ADRA1B: variants seen among roughly 807,000 people sequenced by gnomAD.
ADRA1B encodes adrenoceptor alpha 1B.
In ADRA1B, 17 loss-of-function variants were observed where a neutral mutation model predicts 17.9. That is an observed-to-expected ratio of 0.95 (90% CI 0.65 to 1.42). The LOEUF (loss-of-function observed/expected upper bound fraction) is 1.42. Among genes scored for constraint, ADRA1B ranks in the 40% most tolerant of loss-of-function variants. The pLI, the probability that ADRA1B is intolerant of heterozygous loss-of-function variation, is 0.00. For missense variants in ADRA1B, 681 were observed against 722.1 expected, an observed-to-expected ratio of 0.94 and a Z score of 0.65; for synonymous variants, 366 against 327.6, an observed-to-expected ratio of 1.12 and a Z score of -1.27.
chr5:159,942,207 C>A (rs1377786486), intron 1 of ADRA1B, among the ~76,000 whole-genome samples: 2 of 152,070 alleles, frequency 1.3e-5, no homozygotes, highest in African/African-American at 2.4e-5. Flanking sequence ...CAGGCGTGAG[C>A]CGCCATGGCC....
rs994791314 is a variant in ADRA1B at position 159,972,206 on chromosome 5, C to G, written c.1277C>G (p.Pro426Arg). 3 of 1,359,518 alleles carry G rather than the reference C, an allele frequency of 2.2e-6. No homozygotes were observed. Among genetic ancestry groups the G allele is most frequent in the South Asian group, 1.7e-5 (1 of 60,458 alleles). The allele number at this position is 1,359,518 out of a possible 1,614,324, so 84.2% of individuals were successfully genotyped here. Residue 426 changes from proline to arginine, a missense_variant, in exon 2 of 2, where the codon CCG becomes CGG. By Grantham distance (103) the Pro-to-Arg change is moderately radical. Transcript: ENST00000306675. ...CAGCGGACCCTGCCCTCGGCCTCGC[C>G]GAGCCCGGGCTACCTGGGCCGCGGC... Reference protein sequence around the residue: ...GSQRTLPSASPSPGYLGRGAP... With the variant: ...GSQRTLPSASRSPGYLGRGAP...
At chr5:159,931,207 T>C (rs1356854252) in intron 1 of ADRA1B, among the ~76,000 whole-genome samples, 1 of 112,592 alleles carries the variant, frequency 8.9e-6, no homozygotes, top group Non-Finnish European at 1.9e-5. Context: ...CTGGGCAACA[T>C]AGGGAGACCC....
chr5:159,880,459 C>A (rs1044437788), intron 1 of ADRA1B, among the ~76,000 whole-genome samples: 1 of 152,198 alleles, frequency 6.6e-6, no homozygotes, highest in African/African-American at 2.4e-5. Context: ...ATTACAAAGA[C>A]CATGTGGACC....
At chr5:159,925,472 G>C (rs1054745681) in intron 1 of ADRA1B, among the ~76,000 whole-genome samples, 1 of 152,108 alleles carries the variant, frequency 6.6e-6, no homozygotes, top group Non-Finnish European at 1.5e-5. Context: ...TTTAGTTTCT[G>C]GCTGCATACA....
Position 159,917,617 on chromosome 5 carries a change from GA to G in ADRA1B, c.713del (p.Glu238GlyfsTer5). 6.2e-7 allele frequency: 1 copy of G among 1,614,000 alleles called. No individual in the cohort carries two copies. The highest frequency in any genetic ancestry group is 1.1e-5 in the South Asian group (1 of 91,064). On this transcript the variant is annotated frameshift_variant, in exon 1 of 2. Transcript: ENST00000306675. LOFTEE classifies it high-confidence loss of function. ...GGCCAAGAGAACCACCAAGAACCTA[GA>G]GGCAGGAGTCATGAAGGAGATGTCC... ...IVAKRTTKNL[E>X]AGVMKEMSNS...
chr5:159,879,245 C>T (rs553616768), intron 1 of ADRA1B, among the ~76,000 whole-genome samples: 1 of 152,052 alleles, frequency 6.6e-6, no homozygotes, highest in Non-Finnish European at 1.5e-5. Context: ...GTCTGTTCAC[C>T]GGGGAAAGGG....
intron 1 of ADRA1B, among the ~76,000 whole-genome samples, chr5:159,885,354 C>T (rs1753912054): frequency 6.6e-6 from 1 of 152,162 alleles, no homozygotes; most frequent in Non-Finnish European, 1.5e-5. Context: ...CTGACTGCAG[C>T]CCCCAACTCC....
rs571712431 is a variant in ADRA1B, at chr5:159,965,626, C to T, written c.950-6253C>T. Among the ~76,000 whole-genome samples, 346 of 152,226 alleles carry T rather than the reference C, an allele frequency of 2.3e-3. 2 individuals are homozygous for T. The highest frequency in any genetic ancestry group is 4.0e-3 in the Non-Finnish European group (274 of 68,016). ...CACCAAGGCAGGCCAGTGCAGCAAA[C>T]GGGACCCCCCTAATCCCAGCAGCTA... On this transcript the variant is annotated intron_variant, in intron 1 of 1. Coordinates refer to ENST00000306675, the MANE Select transcript of ADRA1B (RefSeq NM_000679.4).
chr5:159,978,620 C>A, the ADRA1B span, among the ~76,000 whole-genome samples: 6 of 152,184 alleles, frequency 3.9e-5, no homozygotes, highest in African/African-American at 1.4e-4. Context: ...AGCTTTTGTT[C>A]TCCCCTCCTC....
intron 1 of ADRA1B, among the ~76,000 whole-genome samples, chr5:159,887,489 A>T (rs1446813163): frequency 1.3e-5 from 2 of 152,330 alleles, no homozygotes; most frequent in East Asian, 3.9e-4. Flanking sequence ...TCTATCTACC[A>T]TTAAGTGTGG....
At chr5:159,930,344 G>T (rs1456221067) in intron 1 of ADRA1B, among the ~76,000 whole-genome samples, 1 of 152,190 alleles carries the variant, frequency 6.6e-6, no homozygotes, top group Non-Finnish European at 1.5e-5. Flanking sequence ...AAACAAATAG[G>T]TTAGGCCGGG....
downstream of ADRA1B, among the ~76,000 whole-genome samples, chr5:159,975,481 C>T (rs1177495509): frequency 2.0e-5 from 3 of 152,120 alleles, no homozygotes; most frequent in African/African-American, 2.4e-5. Flanking sequence ...GTATAAACAC[C>T]GAAATGCAAA....
At chr5:159,984,740 A>C in the ADRA1B span, among the ~76,000 whole-genome samples, 1,923 of 145,682 alleles carry the variant, frequency 0.013, 50 homozygotes, top group African/African-American at 0.047. Flanking sequence ...CCTACTAAAA[A>C]TACAAAAAAA....
At chr5:159,943,546 T>C (rs1052726573) in intron 1 of ADRA1B, among the ~76,000 whole-genome samples, 1 of 152,066 alleles carries the variant, frequency 6.6e-6, no homozygotes, top group African/African-American at 2.4e-5. Flanking sequence ...TCTAATGACT[T>C]CCACCCTGTG....
chr5:159,879,555 C>T (rs1270526505), intron 1 of ADRA1B, among the ~76,000 whole-genome samples: 1 of 152,164 alleles, frequency 6.6e-6, no homozygotes, highest in African/African-American at 2.4e-5. Flanking sequence ...CTTCTTCTAT[C>T]TTCTTAATTA....
At chr5:159,986,792 A>G in the ADRA1B span, among the ~76,000 whole-genome samples, 1 of 152,188 alleles carries the variant, frequency 6.6e-6, no homozygotes, top group African/African-American at 2.4e-5. Flanking sequence ...TGGAGACGTT[A>G]GCCCCATCGT....
At chr5:159,905,681 C>T (rs1281648683) in intron 1 of ADRA1B, among the ~76,000 whole-genome samples, 1 of 152,072 alleles carries the variant, frequency 6.6e-6, no homozygotes, top group Non-Finnish European at 1.5e-5. Context: ...TAACCACAAA[C>T]CATAGCAAAT....
chr5:159,911,595 T>C (rs1581027706), upstream of ADRA1B, among the ~76,000 whole-genome samples: 1 of 152,156 alleles, frequency 6.6e-6, no homozygotes, highest in Non-Finnish European at 1.5e-5. Context: ...TGACTGGCAG[T>C]TCTGGGTTGG....
chr5:159,941,729 C>T (rs145730087), intron 1 of ADRA1B, among the ~76,000 whole-genome samples: 26 of 152,226 alleles, frequency 1.7e-4, no homozygotes, highest in African/African-American at 5.5e-4. Context: ...CACATGCTAC[C>T]ACACAGATGA....
Sources: gnomAD v4.1 joint callset for allele counts (sites outside exome capture counted in the v4.1 genomes callset) on GRCh38, gnomAD v4.1.1 for gene constraint, MANE v1.5 for transcripts, NCBI Gene and HGNC (gene_info 2026-07-23, HGNC 2026-07-21) for gene names.